SFTPD: variants seen among roughly 807,000 people sequenced by gnomAD.
SFTPD encodes the protein pulmonary surfactant-associated protein D.
Under a neutral mutation model 34.6 loss-of-function variants are expected in SFTPD, and 18 were observed. The ratio of observed to expected loss-of-function variants is 0.52; its 90% CI spans 0.36 to 0.77. SFTPD has a LOEUF of 0.77. SFTPD is among the 30% of genes least tolerant of loss of function. SFTPD has a pLI of 0.00. For missense variants in SFTPD, 433 were observed against 468.9 expected, an observed-to-expected ratio of 0.92 and a Z score of 0.71; for synonymous variants, 155 against 180.9, an observed-to-expected ratio of 0.86 and a Z score of 1.15.
chr10:79,973,457 A>G (rs1842846790), intron 1 of SFTPD, among the ~76,000 whole-genome samples: 1 of 151,956 alleles, frequency 6.6e-6, no homozygotes, highest in Admixed American at 6.6e-5. Context: ...ATCTCTACTA[A>G]AAATACAAAA....
At chr10:79,951,161 T>C (rs139450284), upstream of SFTPD, 92 of 152,318 alleles carry the variant, frequency 6.0e-4, no homozygotes, top group African/African-American at 2.2e-3. Flanking sequence ...TCCTTACAAC[T>C]CATATCTTAA....
intron 7 of SFTPD, among the ~76,000 whole-genome samples, chr10:79,939,250 G>A (rs532265177): frequency 2.2e-4 from 34 of 152,262 alleles, no homozygotes; most frequent in Non-Finnish European, 3.7e-4. Flanking sequence ...GAAATCTTCC[G>A]CAAAGGACAC....
At chr10:79,953,333 T>C (rs1471408232), upstream of SFTPD, among the ~76,000 whole-genome samples, 1 of 152,182 alleles carries the variant, frequency 6.6e-6, no homozygotes, top group Non-Finnish European at 1.5e-5. Flanking sequence ...ACAAACTCCC[T>C]CAGTATATGT....
At chr10:79,980,701 T>G (rs1024578213) in intron 1 of SFTPD, among the ~76,000 whole-genome samples, 9 of 152,204 alleles carry the variant, frequency 5.9e-5, no homozygotes, top group African/African-American at 2.2e-4. Context: ...TCTCTCAGAT[T>G]TCACCCAAGA....
At chr10:79,963,036 CT>C (rs2132515410) in intron 1 of SFTPD, among the ~76,000 whole-genome samples, 1 of 152,108 alleles carries the variant, frequency 6.6e-6, no homozygotes, top group Non-Finnish European at 1.5e-5. Flanking sequence ...TTCCTGGTGT[CT>C]TTGTTTCTAT....
At chr10:79,972,000 T>C (rs12217477) in intron 1 of SFTPD, 11,884 of 152,174 alleles carry the variant, frequency 0.078, 915 homozygotes, top group East Asian at 0.39. Flanking sequence ...CAAACTCCCT[T>C]TCAATGAGGA....
intron 1 of SFTPD, among the ~76,000 whole-genome samples, 161 bp from the exon 2 acceptor site, chr10:79,946,823 A>T (rs904187747): frequency 3.9e-5 from 6 of 152,224 alleles, no homozygotes; most frequent in African/African-American, 1.4e-4. Flanking sequence ...TTTAAGGACA[A>T]GGAGGGCACA....
chr10:79,966,858 TGTTTTTCTCAG>T (rs1455739302), intron 1 of SFTPD, among the ~76,000 whole-genome samples: 3 of 147,740 alleles, frequency 2.0e-5, no homozygotes, highest in Admixed American at 6.7e-5. Flanking sequence ...CCCCATTGCT[TGTTTTTCTCAG>T]GTTTGTCTTT....
At chr10:79,977,422 A>T (rs1589344933) in intron 1 of SFTPD, among the ~76,000 whole-genome samples, 1 of 152,270 alleles carries the variant, frequency 6.6e-6, no homozygotes, top group South Asian at 2.1e-4. Flanking sequence ...TGTTTCATTT[A>T]GTTCAAGCAA....
upstream of SFTPD, among the ~76,000 whole-genome samples, chr10:79,952,685 A>G (rs1285780651): frequency 1.3e-5 from 2 of 151,942 alleles, no homozygotes; most frequent in Non-Finnish European, 2.9e-5. Flanking sequence ...GGGAATGTTC[A>G]TGGAGGATCT....
chr10:79,965,873 G>T (rs866130868), intron 1 of SFTPD, among the ~76,000 whole-genome samples: 1 of 30,968 alleles, frequency 3.2e-5, no homozygotes, highest in Non-Finnish European at 5.3e-5. Context: ...GAGAATGATG[G>T]TTTCCAATTT....
chr10:79,981,580 G>C (rs926679987), intron 1 of SFTPD, among the ~76,000 whole-genome samples: 13 of 152,158 alleles, frequency 8.5e-5, no homozygotes, highest in African/African-American at 2.9e-4. Context: ...GACGGTTGCC[G>C]GGAAGCGCGC....
intron 1 of SFTPD, among the ~76,000 whole-genome samples, chr10:79,957,893 C>A (rs1842749212): frequency 6.6e-6 from 1 of 152,150 alleles, no homozygotes; most frequent in Admixed American, 6.5e-5. Context: ...TTAAGGACAG[C>A]CAGAGAGAAA....
chr10:79,966,841 A>T (rs1403668128), intron 1 of SFTPD, among the ~76,000 whole-genome samples: 1 of 147,246 alleles, frequency 6.8e-6, no homozygotes, highest in Non-Finnish European at 1.5e-5. Context: ...TAAATAGGGA[A>T]TCCTTTCCCC....
At chr10:79,977,954 T>C (rs1455479418) in intron 1 of SFTPD, among the ~76,000 whole-genome samples, 1 of 152,244 alleles carries the variant, frequency 6.6e-6, no homozygotes, top group Non-Finnish European at 1.5e-5. Context: ...TATTAAGCAG[T>C]GCAATCTTTG....
chr10:79,957,979 G>A (rs916100738), intron 1 of SFTPD, among the ~76,000 whole-genome samples: 8 of 152,222 alleles, frequency 5.3e-5, no homozygotes, highest in Non-Finnish European at 1.0e-4. Flanking sequence ...AGCCAGAAGA[G>A]AGTGGGGGCC....
chr10:79,952,744 A>G (rs1183951951), upstream of SFTPD, among the ~76,000 whole-genome samples: 2 of 145,570 alleles, frequency 1.4e-5, no homozygotes, highest in Admixed American at 1.4e-4. Context: ...GAACAGACCC[A>G]CAATGGGTGC....
At chr10:79,978,817 T>A (rs1842876306) in intron 1 of SFTPD, among the ~76,000 whole-genome samples, 1 of 152,126 alleles carries the variant, frequency 6.6e-6, no homozygotes, top group African/African-American at 2.4e-5. Flanking sequence ...TTGTTACTTC[T>A]ATTTATCAAA....
In SFTPD at chr10:79,958,215, G is replaced by A. The variant is rs8188112; in HGVS notation, c.37-11553C>T. ...AAAAACATGCCAAAATGTAAAGACC[G>A]TCAAGGCTAGGAAGAAACTGCATCA... is the stretch of plus-strand genomic sequence containing the variant. On this transcript the variant is annotated intron_variant, in intron 1 of 5. Coordinates refer to the SFTPD transcript ENST00000444384. 2.7e-3 allele frequency among the ~76,000 whole-genome samples: 411 copies of A among 152,180 alleles called. 3 individuals carry two copies. Among genetic ancestry groups the A allele is most frequent in the African/African-American group, 8.9e-3 (369 of 41,516 alleles).
Sources: allele counts gnomAD v4.1 joint callset (sites outside exome capture counted in the v4.1 genomes callset), GRCh38; gene constraint gnomAD v4.1.1; transcripts MANE v1.5; gene names NCBI Gene and HGNC (gene_info 2026-07-23, HGNC 2026-07-21).